EPHA3: variants seen among roughly 807,000 people sequenced by gnomAD.
EPHA3 encodes the protein ephrin type-A receptor 3.
EPHA3 carries 42 observed loss-of-function variants against 107.1 expected under a neutral mutation model. The ratio of observed to expected loss-of-function variants is 0.39; its 90% CI spans 0.31 to 0.51. The LOEUF (loss-of-function observed/expected upper bound fraction) is 0.51, where lower values mean the gene tolerates loss of function less well. Among genes scored for constraint, EPHA3 ranks in the 20% least tolerant of loss-of-function variants. The pLI is 0.78. For missense variants in EPHA3, 1,183 were observed against 1,211.2 expected (o/e 0.98, Z 0.35); for synonymous variants, 461 against 424.8 (o/e 1.09, Z -1.05).
chr3:89,271,938 T>C (rs900798600), intron 3 of EPHA3, among the ~76,000 whole-genome samples: 1 of 151,982 alleles, frequency 6.6e-6, no homozygotes, highest in Non-Finnish European at 1.5e-5. Flanking sequence ...GCTTACTTAA[T>C]GTGAATACAA....
At position 89,293,871 on chromosome 3, in the gene EPHA3, C is replaced by T. The variant is rs563612803; in HGVS notation, c.815-47045C>T. Reference sequence around the variant, plus strand: ...GAAAACAGACTAATACCGTCTGCCTCAACTAATCATCTCTGTAGTTGTAGT... The same window carrying T: ...GAAAACAGACTAATACCGTCTGCCTTAACTAATCATCTCTGTAGTTGTAGT... On this transcript the variant is annotated intron_variant, in intron 3 of 16. Coordinates refer to ENST00000336596, the MANE Select transcript of EPHA3 (RefSeq NM_005233.6). Among the ~76,000 whole-genome samples the T allele has an allele frequency of 4.6e-5, 7 of 152,208 alleles. 1 individual carries two copies. Among genetic ancestry groups the T allele is most frequent in the African/African-American group, 1.7e-4 (7 of 41,550 alleles).
chr3:89,141,688 G>T (rs1374375007), intron 2 of EPHA3, among the ~76,000 whole-genome samples: 1 of 151,358 alleles, frequency 6.6e-6, no homozygotes, highest in Non-Finnish European at 1.5e-5. Flanking sequence ...AAAGTTTAAA[G>T]GACAGAACTT....
chr3:89,236,652 A>G (rs566142564), intron 3 of EPHA3, among the ~76,000 whole-genome samples: 2 of 151,726 alleles, frequency 1.3e-5, no homozygotes, highest in African/African-American at 4.8e-5. Context: ...TAGTGGGTGC[A>G]GCGCACCAGC....
chr3:89,430,538 A>G (rs1709545723), intron 12 of EPHA3, among the ~76,000 whole-genome samples: 1 of 152,110 alleles, frequency 6.6e-6, no homozygotes, highest in African/African-American at 2.4e-5. Flanking sequence ...ATACATTTTA[A>G]ACCTTATGTT....
chr3:89,170,256 A>AG (rs1163203598), intron 2 of EPHA3, among the ~76,000 whole-genome samples: 1 of 134,890 alleles, frequency 7.4e-6, no homozygotes, highest in East Asian at 2.2e-4. Flanking sequence ...ACTCCGTATC[A>AG]GAAAAAAAAA....
intron 3 of EPHA3, among the ~76,000 whole-genome samples, chr3:89,295,791 T>C (rs1216140785): frequency 6.6e-6 from 1 of 152,034 alleles, no homozygotes; most frequent in East Asian, 1.9e-4. Context: ...AGTTTCCCTA[T>C]GTTGGCCAGG....
intron 7 of EPHA3, among the ~76,000 whole-genome samples, chr3:89,401,203 C>G (rs962857209): frequency 2.6e-5 from 4 of 152,154 alleles, no homozygotes; most frequent in African/African-American, 4.8e-5. Flanking sequence ...CACTTTCTGT[C>G]GGACAATTAG....
intron 3 of EPHA3, among the ~76,000 whole-genome samples, chr3:89,339,180 G>A (rs1576320440): frequency 6.6e-6 from 1 of 152,164 alleles, no homozygotes; most frequent in Non-Finnish European, 1.5e-5. Flanking sequence ...AGACCAGCCT[G>A]ACCAACATGG....
chr3:89,250,122 A>G (rs1705127294), intron 3 of EPHA3, among the ~76,000 whole-genome samples: 1 of 152,226 alleles, frequency 6.6e-6, no homozygotes. Flanking sequence ...TTTCTAGTAT[A>G]CATTCCTGAA....
intron 3 of EPHA3, among the ~76,000 whole-genome samples, chr3:89,252,110 T>G (rs1705178243): frequency 6.6e-6 from 1 of 152,298 alleles, no homozygotes; most frequent in African/African-American, 2.4e-5. Flanking sequence ...ATAGGAACAT[T>G]TCTTTTAAAA....
chr3:89,257,075 A>G (rs1397360923), intron 3 of EPHA3, among the ~76,000 whole-genome samples: 1 of 152,214 alleles, frequency 6.6e-6, no homozygotes, highest in East Asian at 1.9e-4. Context: ...AAATTATTTC[A>G]CCATGTTTGA....
At position 89,238,478 on chromosome 3, in the gene EPHA3, G is replaced by T. The variant is rs574429752; in HGVS notation, c.814+27958G>T. Among the ~76,000 whole-genome samples the T allele has an allele frequency of 4.6e-5, 7 of 152,276 alleles. No individual in the cohort carries two copies. The South Asian group carries it at 1.5e-3, about 32-fold the overall frequency. On this transcript the variant is annotated intron_variant, in intron 3 of 16. Transcript: ENST00000336596. ...TTTCAATATTGTATTTTATGCCTCTGCTGTTAGAACCACAGTTAAGTCAGT... is the reference window on the plus strand; with the variant it reads ...TTTCAATATTGTATTTTATGCCTCTTCTGTTAGAACCACAGTTAAGTCAGT...
intron 6 of EPHA3, 48 bp from the exon 7 acceptor site, chr3:89,399,270 A>T: frequency 6.5e-7 from 1 of 1,546,196 alleles, no homozygotes; most frequent in Middle Eastern, 1.8e-4. Flanking sequence ...ATTTTATAGC[A>T]TTATGAAGAT....
At chr3:89,377,437 A>C (rs1370143492) in intron 5 of EPHA3, among the ~76,000 whole-genome samples, 1 of 152,172 alleles carries the variant, frequency 6.6e-6, no homozygotes, top group Non-Finnish European at 1.5e-5. Context: ...AAATCCATTT[A>C]ACAGTTATTC....
chr3:89,441,496 T>TA (rs1260341200), intron 13 of EPHA3, among the ~76,000 whole-genome samples: 5 of 152,176 alleles, frequency 3.3e-5, no homozygotes, highest in Non-Finnish European at 7.4e-5. Flanking sequence ...TAAATATGGT[T>TA]AAAAAACACA....
chr3:89,452,161 T>G (rs943239294), intron 15 of EPHA3, among the ~76,000 whole-genome samples: 1 of 152,190 alleles, frequency 6.6e-6, no homozygotes, highest in African/African-American at 2.4e-5. Flanking sequence ...AATGCTGCAA[T>G]GAACATGGGA....
intron 13 of EPHA3, among the ~76,000 whole-genome samples, chr3:89,440,207 G>A (rs1709757647): frequency 6.6e-6 from 1 of 152,032 alleles, no homozygotes; most frequent in Non-Finnish European, 1.5e-5. Flanking sequence ...ATACATAGAT[G>A]CTAAATCTTT....
In EPHA3 at chr3:89,480,795, A is replaced by G. The variant is rs1039503402; in HGVS notation, c.*1293A>G. On this transcript the variant is annotated 3_prime_UTR_variant, in exon 17 of 17. Coordinates refer to ENST00000336596, the MANE Select transcript of EPHA3 (RefSeq NM_005233.6). The stretch of plus-strand genomic sequence containing the variant: ...TTAGTACCAGGTATTATTATCTTTA[A>G]GAGTCTTCCACTTCAATGCACATGG... 1 of 232,412 alleles carries G rather than the reference A, an allele frequency of 4.3e-6. No individual in the cohort carries two copies. Among genetic ancestry groups the G allele is most frequent in the Non-Finnish European group, 8.5e-6 (1 of 117,296 alleles). 14.4% of individuals were successfully genotyped at this position (232,412 alleles called of 1,614,324 possible). A position where few individuals can be genotyped will look rare whatever the true frequency, so the allele number is the denominator to read the frequency against.
chr3:89,324,359 C>T (rs1355182669), intron 3 of EPHA3, among the ~76,000 whole-genome samples: 3 of 151,302 alleles, frequency 2.0e-5, no homozygotes, highest in Admixed American at 6.6e-5. Context: ...TTAGTAGAGA[C>T]GAGGTTTCCC....
Sources: allele counts gnomAD v4.1 joint callset (sites outside exome capture counted in the v4.1 genomes callset), GRCh38; gene constraint gnomAD v4.1.1; transcripts MANE v1.5; gene names NCBI Gene and HGNC (gene_info 2026-07-23, HGNC 2026-07-21).